PARVB: variants seen among roughly 807,000 people sequenced by gnomAD.
PARVB encodes beta-parvin.
In PARVB, 46 loss-of-function variants were observed where a neutral mutation model predicts 47.0. The ratio of observed to expected loss-of-function variants is 0.98; its 90% confidence interval spans 0.77 to 1.25. The LOEUF (loss-of-function observed/expected upper bound fraction) is 1.25, where lower values mean the gene tolerates loss of function less well. Ranked by LOEUF, PARVB falls within the 50% of genes most tolerant of loss-of-function variation. The pLI, the probability that PARVB is intolerant of heterozygous loss-of-function variation, is 0.00. For synonymous variants in PARVB, 196 were observed against 196.3 expected (o/e 1.00, Z 0.01); for missense variants, 473 against 471.6 (o/e 1.00, Z -0.03).
intron 3 of PARVB, among the ~76,000 whole-genome samples, chr22:44,118,635 G>A (rs1467351630): frequency 6.6e-6 from 1 of 152,190 alleles, no homozygotes; most frequent in Non-Finnish European, 1.5e-5. Flanking sequence ...CCATACCAAG[G>A]TGAACACGAG....
chr22:44,074,838 C>G (rs1256351326), intron 1 of PARVB, among the ~76,000 whole-genome samples: 2 of 152,224 alleles, frequency 1.3e-5, no homozygotes, highest in Non-Finnish European at 2.9e-5. Context: ...CATCCCCTGC[C>G]CCTGGGCCCT....
chr22:44,047,744 A>T (rs954955675), intron 1 of PARVB, among the ~76,000 whole-genome samples: 8 of 152,314 alleles, frequency 5.3e-5, no homozygotes, highest in African/African-American at 1.9e-4. Flanking sequence ...TTAGAATTCC[A>T]ACATATCTTT....
chr22:44,088,139 G>A (rs1011168258), intron 1 of PARVB, among the ~76,000 whole-genome samples: 1 of 152,156 alleles, frequency 6.6e-6, no homozygotes, highest in African/African-American at 2.4e-5. Flanking sequence ...AAAACCAGCA[G>A]CCTGGCTCTG....
chr22:44,028,578 G>A (rs970742924), intron 1 of PARVB, among the ~76,000 whole-genome samples: 6 of 152,174 alleles, frequency 3.9e-5, no homozygotes, highest in Admixed American at 3.3e-4. Flanking sequence ...TTGCTTCCAA[G>A]TTTTGGCAGT....
intron 2 of PARVB, among the ~76,000 whole-genome samples, chr22:44,006,573 C>G (rs538294168): frequency 6.6e-6 from 1 of 152,106 alleles, no homozygotes; most frequent in Non-Finnish European, 1.5e-5. Context: ...TGCAGTGAGC[C>G]GAGATCGTGC....
chr22:44,068,088 A>G lies in PARVB; in HGVS notation c.113-25840A>G, dbSNP rs1208168165. ...GGGACATGGGCCTCCCGTGGGCCTCACCGCTTCCTGCTTCAGCAGAACTGG... is the reference window on the plus strand; with the variant it reads ...GGGACATGGGCCTCCCGTGGGCCTCGCCGCTTCCTGCTTCAGCAGAACTGG... On this transcript the variant is annotated intron_variant, in intron 1 of 12. Coordinates refer to ENST00000338758, the MANE Select transcript of PARVB (RefSeq NM_013327.5). The surrounding 1 kb of genome is among the most constrained non-coding windows in gnomAD (Gnocchi z 4.1). 7.7e-6 allele frequency among the ~76,000 whole-genome samples: 1 copy of G among 129,892 alleles called. No homozygotes were observed. Among genetic ancestry groups the G allele is most frequent in the Non-Finnish European group, 1.6e-5 (1 of 61,582 alleles). 85.2% of individuals were successfully genotyped at this position (129,892 alleles called of 152,430 possible).
Position 44,125,684 on chromosome 22 carries a change from A to G in PARVB, c.377-5803A>G, listed in dbSNP as rs2053171208. ...AGCCAAGAGATGAGGCTGGGGCCAG[A>G]TCTCATTCAGCCCTGCTAGACAACA... On this transcript the variant is annotated intron_variant, in intron 4 of 12. Transcript: ENST00000338758. The surrounding 1 kb of genome is among the most constrained non-coding windows in gnomAD (Gnocchi z 4.1). Among the ~76,000 whole-genome samples the G allele has an allele frequency of 6.6e-6, 1 of 152,174 alleles. No individual in the cohort carries two copies. Among genetic ancestry groups the G allele is most frequent in the Non-Finnish European group, 1.5e-5 (1 of 68,026 alleles).
chr22:44,058,245 C>G (rs1213441104), intron 1 of PARVB, among the ~76,000 whole-genome samples: 1 of 152,136 alleles, frequency 6.6e-6, no homozygotes, highest in African/African-American at 2.4e-5. Flanking sequence ...TCTAAAGTCT[C>G]CAGGGAGGGA....
intron 1 of PARVB, among the ~76,000 whole-genome samples, chr22:44,066,807 C>CCTCCTCCTCCTCCTCCTT (rs1555898495): frequency 1.1e-4 from 16 of 145,912 alleles, no homozygotes; most frequent in South Asian, 4.5e-4. Context: ...TCCTCCTCCT[C>CCTCCTCCTCCTCCTCCTT]CTCCTCCTCC....
At chr22:44,074,837 C>A (rs1012776298) in intron 1 of PARVB, among the ~76,000 whole-genome samples, 10 of 152,230 alleles carry the variant, frequency 6.6e-5, no homozygotes, top group African/African-American at 2.2e-4. Context: ...TCATCCCCTG[C>A]CCCTGGGCCC....
At chr22:44,135,611 T>C (rs2053426782) in intron 6 of PARVB, among the ~76,000 whole-genome samples, 1 of 152,188 alleles carries the variant, frequency 6.6e-6, no homozygotes, top group African/African-American at 2.4e-5. Context: ...ATATACTGTG[T>C]CAGTTTCCTA....
At chr22:44,004,515 C>T (rs1286659057) in intron 2 of PARVB, among the ~76,000 whole-genome samples, 1 of 152,118 alleles carries the variant, frequency 6.6e-6, no homozygotes, top group Non-Finnish European at 1.5e-5. Context: ...ACAGGCCCAG[C>T]GAGTTCCTGC....
intron 3 of PARVB, chr22:44,106,138 G>GGTTTTTTTTTTTTTT (rs1287678015): frequency 1.4e-5 from 1 of 69,320 alleles, no homozygotes; most frequent in African/African-American, 6.7e-5. Context: ...AGCCAGATGT[G>GGTTTTTTTTTTTTTT]TTTTTTTTTT....
chr22:44,131,753 A>T, intron 5 of PARVB, 126 bp downstream of exon 5: 2 of 998,678 alleles, frequency 2.0e-6, no homozygotes, highest in Non-Finnish European at 2.9e-6. Flanking sequence ...AATTGGGTTC[A>T]TCTCCCTGCT....
intron 3 of PARVB, chr22:44,107,492 G>A (rs1452880393): frequency 6.6e-6 from 1 of 152,216 alleles, no homozygotes; most frequent in African/African-American, 2.4e-5. Flanking sequence ...GATTTCCTGA[G>A]TGATAGGAGC....
intron 4 of PARVB, among the ~76,000 whole-genome samples, chr22:44,123,416 A>C (rs1463394185): frequency 1.3e-5 from 2 of 151,958 alleles, no homozygotes; most frequent in African/African-American, 2.4e-5. Context: ...TGGTTGCTGC[A>C]GCTGCTTTTC....
chr22:44,132,193 G>A (rs546800896), intron 5 of PARVB, among the ~76,000 whole-genome samples: 33 of 152,288 alleles, frequency 2.2e-4, no homozygotes, highest in South Asian at 1.2e-3. Flanking sequence ...AGAGGTCTCC[G>A]TGCTTTGGTG....
intron 1 of PARVB, among the ~76,000 whole-genome samples, chr22:44,065,524 C>T (rs2146966688): frequency 6.6e-6 from 1 of 152,240 alleles, no homozygotes; most frequent in Non-Finnish European, 1.5e-5. Flanking sequence ...TGTTTGGTGA[C>T]ATGAATAAGC....
chr22:44,165,408 G>A (rs1043964356), intron 12 of PARVB, among the ~76,000 whole-genome samples: 7 of 152,196 alleles, frequency 4.6e-5, no homozygotes, highest in East Asian at 1.9e-4. Flanking sequence ...CAAAGCACAT[G>A]TCCAGCAGGG....
Sources: allele counts gnomAD v4.1 joint callset (sites outside exome capture counted in the v4.1 genomes callset), GRCh38; gene constraint gnomAD v4.1.1; non-coding constraint Gnocchi (gnomAD v3.1); transcripts MANE v1.5; gene names NCBI Gene and HGNC (gene_info 2026-07-23, HGNC 2026-07-21).